GABRR3: variants seen among roughly 807,000 people sequenced by gnomAD.
GABRR3 encodes the protein gamma-aminobutyric acid receptor subunit rho-3.
Under a neutral mutation model 43.2 loss-of-function variants are expected in GABRR3, and 29 were observed. That is an observed-to-expected ratio of 0.67 (90% CI 0.50 to 0.92). The LOEUF (loss-of-function observed/expected upper bound fraction) is 0.92, where lower values mean the gene tolerates loss of function less well. Ranked by LOEUF, GABRR3 falls within the 40% of genes least tolerant of loss-of-function variation. GABRR3 has a pLI of 0.00. For missense variants in GABRR3, 576 were observed against 572.3 expected, an observed-to-expected ratio of 1.01 and a Z score of -0.07; for synonymous variants, 206 against 195.9, an observed-to-expected ratio of 1.05 and a Z score of -0.43.
At chr3:98,017,566 T>C in intron 4 of GABRR3, 89 bp downstream of exon 4, 1 of 889,810 alleles carries the variant, frequency 1.1e-6, no homozygotes, top group Non-Finnish European at 1.8e-6. Context: ...CATACATAAT[T>C]AAAATGATTT....
At chr3:98,005,159 T>C (rs997544584) in intron 7 of GABRR3, among the ~76,000 whole-genome samples, 10 of 151,584 alleles carry the variant, frequency 6.6e-5, no homozygotes, top group Admixed American at 1.3e-4. Context: ...ATACAAGTGT[T>C]TTTTGTACCT....
At chr3:98,031,141 T>C (rs13094462) in intron 2 of GABRR3, among the ~76,000 whole-genome samples, 36,858 of 151,976 alleles carry the variant, frequency 0.24, 4,753 homozygotes, top group East Asian at 0.45. Flanking sequence ...CTGTCTCTTG[T>C]AAAGGAAAAA....
chr3:98,014,096 G>T (rs1409558023), intron 4 of GABRR3, among the ~76,000 whole-genome samples: 1 of 152,172 alleles, frequency 6.6e-6, no homozygotes, highest in East Asian at 1.9e-4. Context: ...ACCAACACTA[G>T]GGGGAAGGGT....
chr3:98,012,723 AG>A (rs1706810609), intron 4 of GABRR3, 156 bp from the exon 5 acceptor site: 1 of 160,258 alleles, frequency 6.2e-6, no homozygotes, highest in South Asian at 2.0e-4. Flanking sequence ...GATGAAGCTA[AG>A]GAGGTTATGC....
intron 9 of GABRR3, among the ~76,000 whole-genome samples, chr3:97,988,162 G>A (rs1400938416): frequency 1.3e-5 from 2 of 151,990 alleles, no homozygotes; most frequent in Non-Finnish European, 2.9e-5. Flanking sequence ...GACCCGAAGA[G>A]TAATATGTCT....
At chr3:98,002,209 T>C (rs375391757) in intron 7 of GABRR3, among the ~76,000 whole-genome samples, 85 of 152,252 alleles carry the variant, frequency 5.6e-4, no homozygotes, top group African/African-American at 1.9e-3. Context: ...GTCATTGGAT[T>C]TTGACCTGAG....
At chr3:98,020,196 C>A (rs1187259702) in intron 3 of GABRR3, among the ~76,000 whole-genome samples, 1 of 151,982 alleles carries the variant, frequency 6.6e-6, no homozygotes, top group Non-Finnish European at 1.5e-5. Context: ...GAAACCAGCT[C>A]CACAATTGTT....
chr3:97,989,021 GGGTATAT>G (rs1559772459), intron 9 of GABRR3, among the ~76,000 whole-genome samples: 1 of 149,408 alleles, frequency 6.7e-6, no homozygotes, highest in East Asian at 2.0e-4. Flanking sequence ...ATGGTGGTGC[GGGTATAT>G]GGTAGTGGTG....
Position 98,017,728 on chromosome 3 carries a change from G to C in GABRR3, c.239-6C>G, listed in dbSNP as rs562149526. On this transcript the variant is annotated splice_polypyrimidine_tract_variant and splice_region_variant and intron_variant, in intron 3 of 9. Coordinates refer to ENST00000621172, the Ensembl canonical transcript of GABRR3. ...ACCTACTGGCACTGGAGACCCTTAA[G>C]AAAGAAGAATGGTTAATATGCTGAG... is the stretch of plus-strand genomic sequence containing the variant. 1.9e-6 allele frequency: 3 copies of C among 1,598,836 alleles called. No homozygotes were observed. The highest frequency in any genetic ancestry group is 2.7e-5 in the African/African-American group (2 of 74,706).
intron 9 of GABRR3, among the ~76,000 whole-genome samples, chr3:97,987,944 AT>A (rs1018699531): frequency 1.9e-4 from 28 of 149,650 alleles, no homozygotes; most frequent in Non-Finnish European, 2.4e-4. Context: ...CACTAGGCTA[AT>A]TTTTTTTTTC....
At chr3:97,985,888 A>G (rs556107539), downstream of GABRR3, among the ~76,000 whole-genome samples, 1 of 151,548 alleles carries the variant, frequency 6.6e-6, no homozygotes, top group Non-Finnish European at 1.5e-5. Context: ...ATTTTTTGAG[A>G]TGATGTCTCG....
chr3:98,027,166 A>G (rs1445017621), intron 2 of GABRR3, among the ~76,000 whole-genome samples: 1 of 152,218 alleles, frequency 6.6e-6, no homozygotes, highest in Non-Finnish European at 1.5e-5. Context: ...GCTAGCTTTT[A>G]TTAAATGTCT....
At chr3:98,034,609 C>T (rs1435646833) in intron 2 of GABRR3, among the ~76,000 whole-genome samples, 5 of 152,140 alleles carry the variant, frequency 3.3e-5, no homozygotes. Flanking sequence ...AGGATCCTTA[C>T]ATGAACCCTT....
intron 8 of GABRR3, chr3:97,998,889 A>C (rs2107230464): frequency 6.6e-6 from 1 of 152,306 alleles, no homozygotes; most frequent in South Asian, 2.1e-4. Context: ...GTGAATTAAT[A>C]CATATTTTCA....
At chr3:97,994,189 G>A (rs1706506514) in intron 8 of GABRR3, among the ~76,000 whole-genome samples, 1 of 152,200 alleles carries the variant, frequency 6.6e-6, no homozygotes. Flanking sequence ...ACTCCTAAAT[G>A]TACAGCCACA....
At chr3:98,012,623 C>A in intron 4 of GABRR3, 56 bp from the exon 5 acceptor site, 1 of 1,182,436 alleles carries the variant, frequency 8.5e-7, no homozygotes, top group South Asian at 1.3e-5. Context: ...TTCAGGATGA[C>A]CACTCAACAC....
At chr3:97,986,767 G>C in exon 10 of GABRR3, 1 of 1,605,796 alleles carries the variant, frequency 6.2e-7, no homozygotes, top group Non-Finnish European at 8.5e-7. Context: ...CAATGACATG[G>C]TTGTTTTCCA....
intron 2 of GABRR3, among the ~76,000 whole-genome samples, chr3:98,034,652 T>C (rs1411701073): frequency 1.3e-5 from 2 of 152,150 alleles, no homozygotes; most frequent in Admixed American, 6.6e-5. Flanking sequence ...CATAAATAAA[T>C]TTACAAATGT....
intron 4 of GABRR3, among the ~76,000 whole-genome samples, chr3:98,016,428 C>T (rs1706874067): frequency 6.6e-6 from 1 of 152,112 alleles, no homozygotes; most frequent in Admixed American, 6.6e-5. Flanking sequence ...CACCTTCCAC[C>T]ATGAGTAGAA....
Sources: gnomAD v4.1 joint callset for allele counts (sites outside exome capture counted in the v4.1 genomes callset) on GRCh38, gnomAD v4.1.1 for gene constraint, MANE v1.5 for transcripts, NCBI Gene and HGNC (gene_info 2026-07-23, HGNC 2026-07-21) for gene names.